The following PLPP1 variants were observed in gnomAD, a reference collection of about 807,000 sequenced individuals.
The protein encoded by PLPP1 is lipid phosphate phosphohydrolase 1a.
PLPP1 carries 24 observed loss-of-function variants against 31.2 expected under a neutral mutation model. The ratio of observed to expected loss-of-function variants is 0.77; its 90% CI spans 0.56 to 1.08. The LOEUF (loss-of-function observed/expected upper bound fraction) is 1.08. Among genes scored for constraint, PLPP1 ranks in the 50% least tolerant of loss-of-function variants. PLPP1 has a pLI of 0.00. For missense variants in PLPP1, 319 were observed against 342.7 expected (o/e 0.93, Z 0.55); for synonymous variants, 146 against 126.3 (o/e 1.16, Z -1.05).
intron 1 of PLPP1, among the ~76,000 whole-genome samples, chr5:55,521,014 C>T (rs1753653276): frequency 6.6e-6 from 1 of 151,848 alleles, no homozygotes. Context: ...GAGTTCCAGA[C>T]CAACCTGGGC....
chr5:55,433,377 A>G (rs1466427250), intron 4 of PLPP1, among the ~76,000 whole-genome samples: 1 of 145,278 alleles, frequency 6.9e-6, no homozygotes, highest in Non-Finnish European at 1.5e-5. Flanking sequence ...ACAGGAAATC[A>G]AACTGTCCGT....
intron 5 of PLPP1, chr5:55,425,573 A>G (rs146338846): frequency 2.2e-6 from 1 of 454,252 alleles, no homozygotes; most frequent in African/African-American, 2.0e-5. Context: ...TAAAAGAGTT[A>G]TTTCTACATG....
At chr5:55,448,101 T>C (rs181116314) in intron 3 of PLPP1, among the ~76,000 whole-genome samples, 4 of 152,332 alleles carry the variant, frequency 2.6e-5, no homozygotes, top group East Asian at 1.9e-4. Context: ...ATATGAGCAA[T>C]GACCTCTTAA....
chr5:55,429,265 A>C (rs557792600), intron 4 of PLPP1, among the ~76,000 whole-genome samples: 21 of 52,844 alleles, frequency 4.0e-4, no homozygotes, highest in African/African-American at 8.4e-4. Flanking sequence ...TGGCTGACTA[A>C]AGTGCCCCTG....
At chr5:55,431,905 A>T (rs1751362121) in intron 4 of PLPP1, among the ~76,000 whole-genome samples, 1 of 152,180 alleles carries the variant, frequency 6.6e-6, no homozygotes. Flanking sequence ...GATAACACAG[A>T]AATACAAAAG....
chr5:55,457,717 C>T (rs1399777866), intron 3 of PLPP1, among the ~76,000 whole-genome samples: 1 of 152,006 alleles, frequency 6.6e-6, no homozygotes, highest in Non-Finnish European at 1.5e-5. Context: ...GGTGAAACCC[C>T]ATCTCTACTA....
intron 1 of PLPP1, among the ~76,000 whole-genome samples, chr5:55,514,765 A>C (rs6891833): frequency 0.88 from 133,246 of 152,264 alleles, 58,443 homozygotes; most frequent in South Asian, 0.92. Flanking sequence ...AGTAGCAAAT[A>C]ATATTTCCAT....
chr5:55,530,317 C>G, intron 1 of PLPP1: 1 of 1,468,122 alleles, frequency 6.8e-7, no homozygotes, highest in Non-Finnish European at 9.5e-7. Context: ...GGAAGAGATA[C>G]ACAAATAGGA....
chr5:55,499,876 T>C (rs1027892161), intron 1 of PLPP1, among the ~76,000 whole-genome samples: 1 of 151,644 alleles, frequency 6.6e-6, no homozygotes, highest in African/African-American at 2.4e-5. Context: ...TATCCTACCA[T>C]AAAATCCGGT....
intron 3 of PLPP1, among the ~76,000 whole-genome samples, chr5:55,451,388 T>C (rs1751888286): frequency 2.0e-5 from 3 of 152,140 alleles, no homozygotes; most frequent in Admixed American, 2.0e-4. Context: ...ACACCACCAA[T>C]GGCAAGAGAA....
intron 5 of PLPP1, chr5:55,425,580 C>T: frequency 2.2e-6 from 1 of 445,978 alleles, no homozygotes. Context: ...GTTATTTCTA[C>T]ATGTGAATTA....
chr5:55,479,023 ATTT>A (rs11352656), intron 1 of PLPP1, among the ~76,000 whole-genome samples: 17 of 133,080 alleles, frequency 1.3e-4, no homozygotes, highest in Non-Finnish European at 1.3e-4. Context: ...AGCCTATGAG[ATTT>A]TTTTTTTTTT....
intron 1 of PLPP1, among the ~76,000 whole-genome samples, chr5:55,483,791 A>T (rs10075424): frequency 6.6e-6 from 1 of 151,800 alleles, no homozygotes; most frequent in South Asian, 2.1e-4. Context: ...ATAACAATCC[A>T]CATCCCAGAG....
intron 1 of PLPP1, among the ~76,000 whole-genome samples, chr5:55,495,851 G>GTTTTGT (rs1163986817): frequency 2.0e-5 from 3 of 151,728 alleles, no homozygotes; most frequent in South Asian, 4.2e-4. Flanking sequence ...GTTTTGTTTT[G>GTTTTGT]TTTTGTTTTT....
chr5:55,509,761 T>TA (rs1753365115), intron 1 of PLPP1, among the ~76,000 whole-genome samples: 1 of 152,224 alleles, frequency 6.6e-6, no homozygotes, highest in South Asian at 2.1e-4. Context: ...CAAGTTAACC[T>TA]ATTTATTTAT....
In PLPP1 at chr5:55,530,238, TA is replaced by T. The variant is rs1232852663; in HGVS notation, c.58+4333del. The T allele has an allele frequency of 2.7e-6, 4 of 1,457,722 alleles. No homozygotes were observed. The African/African-American group carries it at 4.2e-5, about 15-fold the overall frequency. The allele number at this position is 1,457,722 out of a possible 1,614,324, so 90.3% of individuals were successfully genotyped here. A position where few individuals can be genotyped will look rare whatever the true frequency, so the allele number is the denominator to read the frequency against. ...TAGCTGAAGATTCACAAATTCTCCATAATCAAACTGATGTCTCTGATTTAGA... is the reference window on the plus strand; with the variant it reads ...TAGCTGAAGATTCACAAATTCTCCATATCAAACTGATGTCTCTGATTTAGA... On this transcript the variant is annotated intron_variant, in intron 1 of 5. Transcript: ENST00000307259.
intron 4 of PLPP1, among the ~76,000 whole-genome samples, chr5:55,432,873 G>A (rs1309852898): frequency 6.6e-6 from 1 of 151,202 alleles, no homozygotes; most frequent in Non-Finnish European, 1.5e-5. Flanking sequence ...AATGTTGCAT[G>A]AACACACAAC....
intron 3 of PLPP1, among the ~76,000 whole-genome samples, chr5:55,452,005 G>A (rs767777589): frequency 6.6e-6 from 1 of 152,024 alleles, no homozygotes; most frequent in Non-Finnish European, 1.5e-5. Context: ...TACAAGTATA[G>A]GAAAAAAAAC....
intron 4 of PLPP1, among the ~76,000 whole-genome samples, chr5:55,427,774 T>C (rs1016219609): frequency 6.2e-5 from 8 of 129,198 alleles, no homozygotes; most frequent in African/African-American, 2.3e-4. Flanking sequence ...CAACACTTTT[T>C]TGGGGGGGGG....
Sources: allele counts gnomAD v4.1 joint callset (sites outside exome capture counted in the v4.1 genomes callset), GRCh38; gene constraint gnomAD v4.1.1; transcripts MANE v1.5; gene names NCBI Gene and HGNC (gene_info 2026-07-23, HGNC 2026-07-21).